CADM1: variants seen among roughly 807,000 people sequenced by gnomAD.
CADM1 encodes cell adhesion molecule 1, also known as TSLC-1.
In CADM1, 15 loss-of-function variants were observed where a neutral mutation model predicts 53.1. That is an observed-to-expected ratio of 0.28 (90% CI 0.19 to 0.44). The LOEUF is 0.44. CADM1 is among the 20% of genes least tolerant of loss of function. The probability of loss-of-function intolerance (pLI) is 1.00; values close to 1 mark genes in which losing one functional copy is unlikely to be tolerated. For synonymous variants in CADM1, 281 were observed against 243.0 expected, an observed-to-expected ratio of 1.16 and a Z score of -1.45; for missense variants, 434 against 611.3, an observed-to-expected ratio of 0.71 and a Z score of 3.06.
intron 1 of CADM1, among the ~76,000 whole-genome samples, chr11:115,259,076 C>T (rs909230660): frequency 3.9e-5 from 6 of 151,984 alleles, no homozygotes; most frequent in Admixed American, 1.3e-4. Flanking sequence ...ACCTCTGCTC[C>T]CCAGGTTCAA....
intron 1 of CADM1, among the ~76,000 whole-genome samples, chr11:115,447,519 T>C (rs1203694735): frequency 6.6e-6 from 1 of 152,160 alleles, no homozygotes; most frequent in Non-Finnish European, 1.5e-5. Context: ...ATGTTTTTCC[T>C]TTACCCTCGG....
rs777029275 is a variant in CADM1 at position 115,178,684 on chromosome 11, G to A, written c.1257C>T (p.Cys419=). 3.1e-6 allele frequency: 5 copies of A among 1,613,646 alleles called. No homozygotes were observed. The Admixed American group carries it at 6.7e-5, about 22-fold the overall frequency. The stretch of plus-strand genomic sequence containing the variant: ...AATAGCGCCCCAGAATGATGAGCAA[G>A]CACAGCATGGCGAACACCACCACCG... ...VVAVVVFAML[C]LLIILGRYFA... Residue 419 remains cysteine, a synonymous_variant, in exon 11 of 12, where the codon TGC becomes TGT. Coordinates refer to ENST00000331581, the MANE Select transcript of CADM1 (RefSeq NM_001301043.2).
At chr11:115,300,238 G>C (rs1227570348) in intron 1 of CADM1, among the ~76,000 whole-genome samples, 1 of 152,048 alleles carries the variant, frequency 6.6e-6, no homozygotes, top group Non-Finnish European at 1.5e-5. Context: ...AATTTTCAAG[G>C]GGCTCCTGCG....
At chr11:115,248,299 T>C (rs897340741) in intron 1 of CADM1, among the ~76,000 whole-genome samples, 17 of 152,224 alleles carry the variant, frequency 1.1e-4, no homozygotes, top group Non-Finnish European at 2.1e-4. Context: ...GCCTGTACTA[T>C]TACAATTTCA....
chr11:115,484,464 C>T (rs1949326164), intron 1 of CADM1, among the ~76,000 whole-genome samples: 1 of 152,140 alleles, frequency 6.6e-6, no homozygotes, highest in Non-Finnish European at 1.5e-5. Flanking sequence ...GCCAAAGCTG[C>T]CATTGGTCAT....
At chr11:115,440,582 T>C (rs1948287011) in intron 1 of CADM1, among the ~76,000 whole-genome samples, 1 of 152,164 alleles carries the variant, frequency 6.6e-6, no homozygotes, top group African/African-American at 2.4e-5. Flanking sequence ...TATATAAGCA[T>C]TCATGTATTA....
intron 1 of CADM1, among the ~76,000 whole-genome samples, chr11:115,274,379 C>A (rs17118172): frequency 0.19 from 29,023 of 152,224 alleles, 4,391 homozygotes; most frequent in East Asian, 0.65. Context: ...ATTTCACTAT[C>A]CCCATCAATC....
intron 1 of CADM1, among the ~76,000 whole-genome samples, chr11:115,477,513 T>C (rs1458659503): frequency 6.6e-6 from 1 of 152,222 alleles, no homozygotes; most frequent in Non-Finnish European, 1.5e-5. Context: ...ATATCCACAA[T>C]GTCAACACTG....
intron 9 of CADM1, 25 bp from the exon 10 acceptor site, chr11:115,190,966 T>G (rs1939826048): frequency 6.4e-7 from 1 of 1,568,220 alleles, no homozygotes; most frequent in South Asian, 1.2e-5. Flanking sequence ...CAAATCGTTT[T>G]TCTTTTCATT....
intron 1 of CADM1, among the ~76,000 whole-genome samples, chr11:115,291,922 A>T (rs777640408): frequency 9.2e-5 from 14 of 152,196 alleles, no homozygotes; most frequent in Non-Finnish European, 2.1e-4. Flanking sequence ...TAATTCTGAG[A>T]GATTGCAGAG....
chr11:115,207,520 C>T (rs1026483456), intron 8 of CADM1, among the ~76,000 whole-genome samples: 7 of 151,846 alleles, frequency 4.6e-5, no homozygotes, highest in Admixed American at 1.3e-4. Context: ...TGAACTGAAG[C>T]GACTCTGCTG....
intron 1 of CADM1, among the ~76,000 whole-genome samples, chr11:115,258,455 G>A (rs1422624369): frequency 6.6e-6 from 1 of 152,194 alleles, no homozygotes; most frequent in African/African-American, 2.4e-5. Flanking sequence ...AAGGCTCAAT[G>A]AAAGGCCTGT....
chr11:115,417,951 G>C (rs1034140572), intron 1 of CADM1, among the ~76,000 whole-genome samples: 2 of 152,114 alleles, frequency 1.3e-5, no homozygotes, highest in African/African-American at 4.8e-5. Context: ...TTATATTATA[G>C]TGTGGATCTG....
chr11:115,263,227 A>G (rs1040289199), intron 1 of CADM1, among the ~76,000 whole-genome samples: 1 of 152,174 alleles, frequency 6.6e-6, no homozygotes, highest in Admixed American at 6.5e-5. Context: ...TATGACTTTT[A>G]CCTTTCCAGA....
intron 1 of CADM1, among the ~76,000 whole-genome samples, chr11:115,432,604 C>T (rs1948084885): frequency 6.6e-6 from 1 of 152,156 alleles, no homozygotes; most frequent in South Asian, 2.1e-4. Flanking sequence ...CTCTGCCCAT[C>T]ACTTGGAATA....
chr11:115,462,421 C>T (rs1445646606), intron 1 of CADM1, among the ~76,000 whole-genome samples: 2 of 152,154 alleles, frequency 1.3e-5, no homozygotes, highest in Admixed American at 1.3e-4. Context: ...TCCCACTCGA[C>T]AGAGTGACGC....
chr11:115,414,077 A>C (rs1370569862), intron 1 of CADM1, among the ~76,000 whole-genome samples: 1 of 152,110 alleles, frequency 6.6e-6, no homozygotes, highest in Non-Finnish European at 1.5e-5. Flanking sequence ...ACACACACAA[A>C]GCATACAATT....
intron 5 of CADM1, among the ~76,000 whole-genome samples, chr11:115,220,683 G>T (rs1941371857): frequency 6.6e-6 from 1 of 152,134 alleles, no homozygotes; most frequent in Admixed American, 6.6e-5. Flanking sequence ...CCCAGCCTAG[G>T]AATCAAATAT....
intron 1 of CADM1, among the ~76,000 whole-genome samples, chr11:115,495,306 A>G (rs961770391): frequency 2.6e-5 from 4 of 152,224 alleles, no homozygotes; most frequent in Non-Finnish European, 4.4e-5. Context: ...CAAAGAGCCA[A>G]ATAAATATAT....
Sources: allele counts gnomAD v4.1 joint callset (sites outside exome capture counted in the v4.1 genomes callset), GRCh38; gene constraint gnomAD v4.1.1; transcripts MANE v1.5; gene names NCBI Gene and HGNC (gene_info 2026-07-23, HGNC 2026-07-21).